The following RASA2 variants were observed in gnomAD, a reference collection of about 807,000 sequenced individuals.
RASA2 encodes the protein ras GTPase-activating protein 2.
In RASA2, 155 loss-of-function variants were observed where a neutral mutation model predicts 118.2. The ratio of observed to expected loss-of-function variants is 1.31; its 90% CI spans 1.15 to 1.50. RASA2 has a LOEUF of 1.50. RASA2 is among the 40% of genes most tolerant of loss of function. RASA2 has a pLI of 0.00. For missense variants in RASA2, 1,016 were observed against 1,009.6 expected, an observed-to-expected ratio of 1.01 and a Z score of -0.09; for synonymous variants, 353 against 349.1, an observed-to-expected ratio of 1.01 and a Z score of -0.12.
At chr3:141,546,610 GT>G (rs1025904149) in intron 5 of RASA2, among the ~76,000 whole-genome samples, 3 of 152,180 alleles carry the variant, frequency 2.0e-5, no homozygotes, top group African/African-American at 7.2e-5. Context: ...CAGATGGTTA[GT>G]TAGCAAATAT....
Position 141,586,751 on chromosome 3 carries a change from A to G in RASA2, c.1932A>G (p.Pro644=). The change falls in exon 19 of 24, where the codon CCA becomes CCG. Residue 644 remains proline, a splice_region_variant and synonymous_variant. Transcript: ENST00000286364. ...TSRELTYHKQ[P]GKDAIYTIPV... ...GAGAGCTCACCTACCACAAACAGCC[A>G]GGTAGTTGTGTTTATGCTTTATTGT... The G allele has an allele frequency of 1.2e-6, 2 of 1,606,526 alleles. No homozygotes were observed. Among genetic ancestry groups the G allele is most frequent in the Non-Finnish European group, 1.7e-6 (2 of 1,173,378 alleles).
intron 5 of RASA2, among the ~76,000 whole-genome samples, chr3:141,543,966 C>T (rs1309950464): frequency 1.3e-5 from 2 of 148,986 alleles, no homozygotes; most frequent in Non-Finnish European, 3.0e-5. Context: ...ACCTCTGCCT[C>T]CCGGATTCAA....
chr3:141,487,330 A>T, intron 1 of RASA2, 114 bp downstream of exon 1: 1 of 1,022,050 alleles, frequency 9.8e-7, no homozygotes, highest in Non-Finnish European at 1.2e-6. Context: ...CGGGCCCGGG[A>T]GGGGGCCTGG....
At chr3:141,586,500 A>G in intron 18 of RASA2, 146 bp from the exon 19 acceptor site, 1 of 536,888 alleles carries the variant, frequency 1.9e-6, no homozygotes, top group Non-Finnish European at 3.2e-6. Flanking sequence ...AAATAAATGC[A>G]ACAGTCATGG....
chr3:141,563,402 C>T (rs2082767452), intron 9 of RASA2, among the ~76,000 whole-genome samples: 1 of 152,112 alleles, frequency 6.6e-6, no homozygotes, highest in Admixed American at 6.5e-5. Flanking sequence ...TTATTTAATT[C>T]ACAAGGATCC....
Position 141,573,210 on chromosome 3 carries a change from G to T in RASA2, c.1348G>T (p.Glu450Ter). 1 of 1,541,020 alleles carries T rather than the reference G, an allele frequency of 6.5e-7. No homozygotes were observed. Among genetic ancestry groups the T allele is most frequent in the South Asian group, 1.2e-5 (1 of 80,070 alleles). Residue 450 changes from glutamate (E) to a stop codon, truncating the protein, a stop_gained, in exon 13 of 24, where the codon GAA becomes TAA. Transcript: ENST00000286364. LOFTEE classifies it high-confidence loss of function. ...PIKLKEGDNV[E>*]NNKENLRYYV... ...TAAATTGAAAGAGGGAGATAATGTA[G>T]AAAATAATAAGGTAAGTCCTTGTTA...
intron 17 of RASA2, among the ~76,000 whole-genome samples, chr3:141,582,766 G>A (rs1451379507): frequency 6.6e-6 from 1 of 152,180 alleles, no homozygotes; most frequent in African/African-American, 2.4e-5. Flanking sequence ...GCTATAAAGT[G>A]TAAAAGCTTG....
chr3:141,546,412 G>A (rs1309582738), intron 5 of RASA2, among the ~76,000 whole-genome samples: 2 of 152,134 alleles, frequency 1.3e-5, no homozygotes, highest in Non-Finnish European at 2.9e-5. Flanking sequence ...TTTCATTGTA[G>A]TTTTGATTTA....
chr3:141,505,774 TTGTG>T (rs35375776), intron 1 of RASA2, among the ~76,000 whole-genome samples: 4 of 150,680 alleles, frequency 2.7e-5, no homozygotes, highest in African/African-American at 4.9e-5. Flanking sequence ...GTCTCTGTGT[TTGTG>T]TGTGTGTGTG....
At chr3:141,604,374 T>C (rs2083514663) in intron 19 of RASA2, among the ~76,000 whole-genome samples, 1 of 152,190 alleles carries the variant, frequency 6.6e-6, no homozygotes, top group African/African-American at 2.4e-5. Flanking sequence ...GACTATCCTA[T>C]TTTTACTTTT....
At chr3:141,488,767 T>C (rs2081607108) in intron 1 of RASA2, among the ~76,000 whole-genome samples, 1 of 152,254 alleles carries the variant, frequency 6.6e-6, no homozygotes, top group Non-Finnish European at 1.5e-5. Context: ...ATTTAACATT[T>C]GGGAAAACTG....
intron 19 of RASA2, among the ~76,000 whole-genome samples, chr3:141,603,094 A>G (rs991907230): frequency 7.9e-5 from 12 of 152,150 alleles, no homozygotes; most frequent in Admixed American, 7.9e-4. Flanking sequence ...TCATGAGTAA[A>G]CTTATCACCG....
At chr3:141,496,703 T>A (rs2081707499) in intron 1 of RASA2, among the ~76,000 whole-genome samples, 1 of 152,196 alleles carries the variant, frequency 6.6e-6, no homozygotes, top group Non-Finnish European at 1.5e-5. Flanking sequence ...AGGAACACTT[T>A]TACACTGTTG....
rs2083022673 is a variant in RASA2 at position 141,576,999 on chromosome 3, G to A, written c.1484-1G>A. On this transcript the variant is annotated splice_acceptor_variant, in intron 14 of 23. Transcript: ENST00000286364. LOFTEE classifies it high-confidence loss of function. The stretch of plus-strand genomic sequence containing the variant: ...GACATTTCACCATTTTTTTCCTGCA[G>A]ATGACCCTCATGTTCAGTATTCTGC... 6.4e-7 allele frequency: 1 copy of A among 1,571,976 alleles called. No homozygotes were observed. Among genetic ancestry groups the A allele is most frequent in the African/African-American group, 1.4e-5 (1 of 72,768 alleles).
intron 7 of RASA2, 90 bp from the exon 8 acceptor site, chr3:141,558,796 C>T: frequency 9.9e-7 from 1 of 1,011,172 alleles, no homozygotes; most frequent in South Asian, 1.5e-5. Flanking sequence ...CTTTTATCCA[C>T]AATTGAATAT....
chr3:141,514,222 C>T lies in RASA2; in HGVS notation c.251+1942C>T, dbSNP rs572113355. On this transcript the variant is annotated intron_variant, in intron 2 of 23. Coordinates refer to ENST00000286364, the MANE Select transcript of RASA2 (RefSeq NM_006506.5). ...AAACCCTGATAACTCAAAAGAAGAC[C>T]GATGGCCATTTAAAATATGGGGAGA... Among the ~76,000 whole-genome samples, 15 of 152,132 alleles carry T rather than the reference C, an allele frequency of 9.9e-5. No homozygotes were observed. The South Asian group carries it at 1.9e-3, about 19-fold the overall frequency.
Position 141,586,654 on chromosome 3 carries a change from A to G in RASA2, c.1835A>G (p.Tyr612Cys), listed in dbSNP as rs2083207074. 1.2e-6 allele frequency: 2 copies of G among 1,608,102 alleles called. No homozygotes were observed. The highest frequency in any genetic ancestry group is 1.7e-5 in the Admixed American group (1 of 59,840). The change falls in exon 19 of 24, where the codon TAT becomes TGT. Residue 612 changes from tyrosine to cysteine, a missense_variant. By Grantham distance (194) the Tyr-to-Cys change is radical (BLOSUM62 -2). Transcript: ENST00000286364. ...ATCTGTTATGTTGGCAGTGAGATGT[A>G]TAAAAGAGCTCAAGGAAGAACTCGG... ...EPVHLKEGEM[Y>C]KRAQGRTRIG...
chr3:141,577,256 T>G (rs2083027916), intron 15 of RASA2, 150 bp downstream of exon 15: 1 of 585,438 alleles, frequency 1.7e-6, no homozygotes, highest in Non-Finnish European at 2.9e-6. Context: ...ATTTCAGTCT[T>G]TCAAGTGAGG....
chr3:141,602,206 C>T (rs1207951677), intron 19 of RASA2, among the ~76,000 whole-genome samples: 4 of 152,158 alleles, frequency 2.6e-5, no homozygotes, highest in Non-Finnish European at 5.9e-5. Context: ...AAAAGCTAGA[C>T]ATTTTTAAGA....
Sources: gnomAD v4.1 joint callset for allele counts (sites outside exome capture counted in the v4.1 genomes callset) on GRCh38, gnomAD v4.1.1 for gene constraint, MANE v1.5 for transcripts, NCBI Gene and HGNC (gene_info 2026-07-23, HGNC 2026-07-21) for gene names.